CLASRP: variants seen among roughly 807,000 people sequenced by gnomAD.
The protein encoded by CLASRP is CLK4-associating serine/arginine rich protein.
Under a neutral mutation model 99.9 loss-of-function variants are expected in CLASRP, and 52 were observed. The ratio of observed to expected loss-of-function variants is 0.52; its 90% confidence interval spans 0.42 to 0.66. The LOEUF (loss-of-function observed/expected upper bound fraction) is 0.66. Among genes scored for constraint, CLASRP ranks in the 30% least tolerant of loss-of-function variants. The pLI is 0.00. For synonymous variants in CLASRP, 379 were observed against 373.0 expected (o/e 1.02, Z -0.18); for missense variants, 848 against 999.2 (o/e 0.85, Z 2.04).
At chr19:45,049,033 A>G (rs1345715975) in intron 2 of CLASRP, among the ~76,000 whole-genome samples, 1 of 152,176 alleles carries the variant, frequency 6.6e-6, no homozygotes, top group South Asian at 2.1e-4. Flanking sequence ...GGGACATTCG[A>G]GTGAGACAGT....
intron 2 of CLASRP, among the ~76,000 whole-genome samples, chr19:45,047,807 G>A (rs1440487640): frequency 6.6e-6 from 1 of 152,196 alleles, no homozygotes; most frequent in African/African-American, 2.4e-5. Flanking sequence ...TTCTTGGCCA[G>A]ATGTGGTGGC....
Position 45,067,201 on chromosome 19 carries a change from G to C in CLASRP, c.1410-136G>C, listed in dbSNP as rs947371268. The stretch of plus-strand genomic sequence containing the variant: ...GCCGCTCTGGGACATTTTGGAGGGA[G>C]AGTAGCAGGAGAGGAGAGTCGAGCC... On this transcript the variant is annotated intron_variant, in intron 13 of 20. Transcript: ENST00000221455. This position sits in a 1 kb window ranked among gnomAD's most constrained non-coding sequence, Gnocchi z 4.9. 7.8e-6 allele frequency: 8 copies of C among 1,020,338 alleles called. No individual in the cohort carries two copies. In the African/African-American group the frequency reaches 1.3e-4, roughly 17 times the overall value. The allele number at this position is 1,020,338 out of a possible 1,614,324, so 63.2% of individuals were successfully genotyped here. A position where few individuals can be genotyped will look rare whatever the true frequency, so the allele number is the denominator to read the frequency against.
chr19:45,048,352 T>C (rs1971959809), intron 2 of CLASRP, among the ~76,000 whole-genome samples: 1 of 150,388 alleles, frequency 6.6e-6, no homozygotes, highest in Non-Finnish European at 1.5e-5. Flanking sequence ...CTGGCCAACA[T>C]GGTGAAATCC....
intron 8 of CLASRP, 42 bp downstream of exon 8, chr19:45,059,406 C>G: frequency 6.8e-7 from 1 of 1,477,456 alleles, no homozygotes. Flanking sequence ...TCTGTGGGCC[C>G]CACCCTGGCA....
At chr19:45,063,149 A>G (rs910009200) in intron 11 of CLASRP, among the ~76,000 whole-genome samples, 23 of 151,986 alleles carry the variant, frequency 1.5e-4, no homozygotes, top group African/African-American at 5.1e-4. Context: ...TTAAAATTTT[A>G]TATATTAAAA....
In CLASRP at chr19:45,039,109, G is replaced by C. The variant is rs889361921; in HGVS notation, c.-30+1G>C. On this transcript the variant is annotated splice_donor_variant, in intron 1 of 20. Coordinates refer to ENST00000221455, the MANE Select transcript of CLASRP (RefSeq NM_007056.3). LOFTEE classifies it low-confidence loss of function (5UTR_SPLICE). Reference sequence around the variant, plus strand: ...AGCGGTGGGAGGCGGCGACCAGCCGGTGAGTGCAGGCTGCGGCTCGACCTC... The same window carrying C: ...AGCGGTGGGAGGCGGCGACCAGCCGCTGAGTGCAGGCTGCGGCTCGACCTC... 6.6e-5 allele frequency: 10 copies of C among 152,154 alleles called. No homozygotes were observed. 9.4% of individuals were successfully genotyped at this position (152,154 alleles called of 1,614,324 possible).
intron 2 of CLASRP, among the ~76,000 whole-genome samples, chr19:45,042,963 A>G (rs1272244790): frequency 6.6e-6 from 1 of 152,142 alleles, no homozygotes; most frequent in African/African-American, 2.4e-5. Flanking sequence ...ATGCCCCACT[A>G]TAAGTGGAAA....
At chr19:45,044,410 T>G (rs1824841532) in intron 2 of CLASRP, among the ~76,000 whole-genome samples, 1 of 152,220 alleles carries the variant, frequency 6.6e-6, no homozygotes, top group Admixed American at 6.5e-5. Flanking sequence ...GAGGTGGTTC[T>G]TACTATTTCC....
At position 45,060,540 on chromosome 19, in the gene CLASRP, C is replaced by T; in HGVS notation, c.790-14C>T. The T allele has an allele frequency of 6.2e-7, 1 of 1,613,660 alleles. No homozygotes were observed. The highest frequency in any genetic ancestry group is 8.5e-7 in the Non-Finnish European group (1 of 1,179,728). ...GGGCACCCCCTCACCAACCTGGCAC[C>T]CACCCTACTCCAGGGACGCCGCTCT... On this transcript the variant is annotated splice_polypyrimidine_tract_variant and intron_variant, in intron 9 of 20. Coordinates refer to ENST00000221455, the MANE Select transcript of CLASRP (RefSeq NM_007056.3). The surrounding 1 kb of genome is among the most constrained non-coding windows in gnomAD (Gnocchi z 4.6).
Position 45,069,155 on chromosome 19 carries a change from G to T in CLASRP, c.1827+31G>T, listed in dbSNP as rs1467515379. ...GTGGGAAAGGGAGGGCTGGGGTGAC[G>T]GGTGGGTGCTGGCCTGGCCACGTCC... On this transcript the variant is annotated intron_variant, in intron 17 of 20. Transcript: ENST00000221455. 3 of 1,613,870 alleles carry T rather than the reference G, an allele frequency of 1.9e-6. No individual in the cohort carries two copies. The East Asian group carries it at 6.7e-5, about 36-fold the overall frequency.
At chr19:45,051,818 A>T (rs1286941401) in intron 2 of CLASRP, among the ~76,000 whole-genome samples, 3 of 152,108 alleles carry the variant, frequency 2.0e-5, no homozygotes, top group Non-Finnish European at 2.9e-5. Flanking sequence ...AACACAAAAA[A>T]TTAGTCGGGC....
chr19:45,069,527 G>C, intron 18 of CLASRP: 1 of 575,176 alleles, frequency 1.7e-6, no homozygotes, highest in Non-Finnish European at 3.1e-6. Context: ...CTGGCAAGCT[G>C]TTCCTGATAC....
intron 2 of CLASRP, among the ~76,000 whole-genome samples, chr19:45,047,214 C>T (rs556035848): frequency 6.6e-6 from 1 of 152,184 alleles, no homozygotes; most frequent in East Asian, 1.9e-4. Flanking sequence ...GAAATCCTGT[C>T]CTATGCTACA....
At position 45,039,098 on chromosome 19, in the gene CLASRP, G is replaced by GCGACCAGC. The variant is rs1253434169; in HGVS notation, c.-37_-30dup. ...CGCGCGAGCGCAGCGGTGGGAGGCG[G>GCGACCAGC]CGACCAGCCGGTGAGTGCAGGCTGC... is the stretch of plus-strand genomic sequence containing the variant. On this transcript the variant is annotated 5_prime_UTR_variant, in exon 1 of 21. Coordinates refer to ENST00000221455, the MANE Select transcript of CLASRP (RefSeq NM_007056.3). The GCGACCAGC allele has an allele frequency of 6.6e-6, 1 of 152,110 alleles. No homozygotes were observed. The highest frequency in any genetic ancestry group is 1.5e-5 in the Non-Finnish European group (1 of 68,036). 9.4% of individuals were successfully genotyped at this position (152,110 alleles called of 1,614,324 possible). A position where few individuals can be genotyped will look rare whatever the true frequency, so the allele number is the denominator to read the frequency against.
chr19:45,046,377 T>G (rs898045547), intron 2 of CLASRP, among the ~76,000 whole-genome samples: 1 of 152,136 alleles, frequency 6.6e-6, no homozygotes, highest in African/African-American at 2.4e-5. Context: ...TTTTAATCAG[T>G]GGTTTGGATA....
intron 3 of CLASRP, 66 bp downstream of exon 3, chr19:45,052,234 G>T: frequency 7.3e-7 from 1 of 1,377,910 alleles, no homozygotes. Flanking sequence ...CTGGGGTGGT[G>T]TAGAGTGTGG....
intron 18 of CLASRP, among the ~76,000 whole-genome samples, chr19:45,069,457 G>T (rs1042794263): frequency 6.6e-6 from 1 of 151,952 alleles, no homozygotes; most frequent in African/African-American, 2.4e-5. Flanking sequence ...TCCCGCCACC[G>T]CGACCTCCTC....
chr19:45,047,635 G>C (rs143833680), intron 2 of CLASRP: 3 of 152,224 alleles, frequency 2.0e-5, no homozygotes, highest in East Asian at 1.9e-4. Context: ...TGACAGGGAT[G>C]GGGGGAGGAG....
At chr19:45,070,449 G>C (rs1250970052) in intron 19 of CLASRP, 88 bp from the exon 20 acceptor site, 1 of 1,195,040 alleles carries the variant, frequency 8.4e-7, no homozygotes, top group Admixed American at 1.7e-5. Flanking sequence ...AACCCCTGAA[G>C]TTCAGTTTTG....
Sources: allele counts gnomAD v4.1 joint callset (sites outside exome capture counted in the v4.1 genomes callset), GRCh38; gene constraint gnomAD v4.1.1; non-coding constraint Gnocchi (gnomAD v3.1); transcripts MANE v1.5; gene names NCBI Gene and HGNC (gene_info 2026-07-23, HGNC 2026-07-21).